CMTM6: variants seen among roughly 807,000 people sequenced by gnomAD.
The protein encoded by CMTM6 is CKLF like MARVEL transmembrane domain containing 6, also known as CKLF-like MARVEL transmembrane domain-containing protein 6.
A neutral mutation model predicts 13.6 loss-of-function variants in CMTM6; 5 were observed. The observed-to-expected ratio is 0.37, with a 90% confidence interval of 0.19 to 0.77. The LOEUF is 0.77. Among genes scored for constraint, CMTM6 ranks in the 30% least tolerant of loss-of-function variants. CMTM6 has a pLI of 0.50. For missense variants in CMTM6, 196 were observed against 218.6 expected (o/e 0.90, Z 0.65); for synonymous variants, 99 against 84.5 (o/e 1.17, Z -0.94).
intron 1 of CMTM6, 80 bp downstream of exon 1, chr3:32,502,528 G>C: frequency 6.6e-7 from 1 of 1,512,566 alleles, no homozygotes; most frequent in Non-Finnish European, 8.9e-7. Context: ...AAGCTGAAAC[G>C]AAGGAGCTCG....
intron 1 of CMTM6, among the ~76,000 whole-genome samples, chr3:32,496,863 G>A (rs948827931): frequency 2.6e-5 from 4 of 152,062 alleles, no homozygotes; most frequent in African/African-American, 9.7e-5. Context: ...GGATGGGGAT[G>A]AAGAAAAAAA....
At chr3:32,487,743 A>G (rs766539860) in intron 3 of CMTM6, 195 bp downstream of exon 3, 15 of 422,438 alleles carry the variant, frequency 3.6e-5, no homozygotes, top group South Asian at 6.7e-5. Context: ...AACAAAATTC[A>G]GTCAAATTCT....
chr3:32,485,228 T>TAA (rs563553514), intron 3 of CMTM6, among the ~76,000 whole-genome samples: 11 of 141,822 alleles, frequency 7.8e-5, no homozygotes, highest in Non-Finnish European at 1.7e-4. Flanking sequence ...ACTTCTGAAT[T>TAA]AAAAAAAAAA....
chr3:32,496,506 C>T (rs1024616438), intron 1 of CMTM6, among the ~76,000 whole-genome samples: 5 of 152,180 alleles, frequency 3.3e-5, no homozygotes, highest in Admixed American at 2.6e-4. Context: ...CAATTGCTAG[C>T]TCAAAGTGTA....
intron 1 of CMTM6, among the ~76,000 whole-genome samples, chr3:32,497,032 G>C (rs1174778486): frequency 1.3e-5 from 2 of 152,108 alleles, no homozygotes; most frequent in East Asian, 3.9e-4. Flanking sequence ...TCCGAGTGTA[G>C]GAGGGAAAAG....
chr3:32,488,303 G>A, intron 2 of CMTM6: 1 of 213,822 alleles, frequency 4.7e-6, no homozygotes, highest in Non-Finnish European at 9.2e-6. Flanking sequence ...TATGCCAGGA[G>A]AGGTGGCATG....
chr3:32,502,833 G>T lies in CMTM6; in HGVS notation c.-88C>A. 7.4e-7 allele frequency: 1 copy of T among 1,345,642 alleles called. No individual in the cohort carries two copies. The highest frequency in any genetic ancestry group is 9.6e-7 in the Non-Finnish European group (1 of 1,045,820). The allele number at this position is 1,345,642 out of a possible 1,614,324, so 83.4% of individuals were successfully genotyped here. A position where few individuals can be genotyped will look rare whatever the true frequency, so the allele number is the denominator to read the frequency against. ...AGTCCCCGGTAGCCGGGAGGCGGCC[G>T]TCACTTCCTGGGCCTTCTCCCCGGC... On this transcript the variant is annotated 5_prime_UTR_variant, in exon 1 of 4. Transcript: ENST00000205636.
chr3:32,482,048 G>A lies in CMTM6; in HGVS notation c.*1912C>T, dbSNP rs191836975. ...CTAAATCACAATGGTACAGTCTGAT[G>A]TGAAACTTTAGTCTACCTACCATAA... On this transcript the variant is annotated 3_prime_UTR_variant, in exon 4 of 4. Coordinates refer to ENST00000205636, the MANE Select transcript of CMTM6 (RefSeq NM_017801.3). 3.9e-5 allele frequency: 6 copies of A among 152,274 alleles called. No homozygotes were observed. The highest frequency in any genetic ancestry group is 2.6e-4 in the Admixed American group (4 of 15,294). 9.4% of individuals were successfully genotyped at this position (152,274 alleles called of 1,614,324 possible).
chr3:32,502,608 C>T lies in CMTM6; in HGVS notation c.138G>A (p.Leu46=), dbSNP rs1240453061. The change falls in exon 1 of 4, where the codon CTG becomes CTA. Residue 46 remains leucine, a splice_region_variant and synonymous_variant. Coordinates refer to ENST00000205636, the MANE Select transcript of CMTM6 (RefSeq NM_017801.3). ...LLRRVLKGLQ[L]LLSLLAFICE... ...TCGCCCTCCCTGACCGCGGACTCAC[C>T]AGCTGCAAGCCCTTGAGAACGCGCC... The T allele has an allele frequency of 1.9e-6, 3 of 1,595,928 alleles. No individual in the cohort carries two copies. Among genetic ancestry groups the T allele is most frequent in the Non-Finnish European group, 2.6e-6 (3 of 1,173,436 alleles).
At chr3:32,485,219 C>T (rs1697192380) in intron 3 of CMTM6, among the ~76,000 whole-genome samples, 2 of 149,844 alleles carry the variant, frequency 1.3e-5, no homozygotes, top group Non-Finnish European at 3.0e-5. Context: ...TGTTCACACA[C>T]TTCTGAATTA....
chr3:32,494,889 A>G (rs766906417), intron 1 of CMTM6, among the ~76,000 whole-genome samples: 2 of 152,184 alleles, frequency 1.3e-5, no homozygotes, highest in Non-Finnish European at 2.9e-5. Flanking sequence ...AGCACAGGGA[A>G]GCCTCTGCTG....
intron 3 of CMTM6, among the ~76,000 whole-genome samples, chr3:32,485,036 A>G (rs1372415953): frequency 7.7e-6 from 1 of 129,590 alleles, no homozygotes; most frequent in Non-Finnish European, 1.6e-5. Flanking sequence ...CCACCCTCCC[A>G]TCCCCCGCCA....
chr3:32,491,375 C>A (rs1697248580), intron 2 of CMTM6, among the ~76,000 whole-genome samples: 1 of 152,186 alleles, frequency 6.6e-6, no homozygotes. Flanking sequence ...TAAAGGCACA[C>A]AATTAATAAT....
In CMTM6 at chr3:32,481,565, A is replaced by C. The variant is rs1402713945; in HGVS notation, c.*2395T>G. The stretch of plus-strand genomic sequence containing the variant: ...TTGTATAAAATATAAAATTTATCAT[A>C]ACTGTTAATTTAAAAATTATTTTAA... On this transcript the variant is annotated 3_prime_UTR_variant, in exon 4 of 4. Transcript: ENST00000205636. 1 of 152,156 alleles carries C rather than the reference A, an allele frequency of 6.6e-6. No homozygotes were observed. Among genetic ancestry groups the C allele is most frequent in the Non-Finnish European group, 1.5e-5 (1 of 68,034 alleles). The allele number at this position is 152,156 out of a possible 1,614,324, so 9.4% of individuals were successfully genotyped here.
chr3:32,493,585 G>C (rs1197728013), intron 1 of CMTM6, among the ~76,000 whole-genome samples: 3 of 152,128 alleles, frequency 2.0e-5, no homozygotes, highest in African/African-American at 7.2e-5. Flanking sequence ...AGATGTGGGA[G>C]CTGGCAGAGT....
At chr3:32,486,488 G>A (rs1575136810) in intron 3 of CMTM6, among the ~76,000 whole-genome samples, 1 of 152,062 alleles carries the variant, frequency 6.6e-6, no homozygotes, top group Admixed American at 6.5e-5. Flanking sequence ...AGATTACAGG[G>A]TACTGTCGCA....
At chr3:32,498,670 C>G (rs938687502) in intron 1 of CMTM6, among the ~76,000 whole-genome samples, 25 of 145,630 alleles carry the variant, frequency 1.7e-4, no homozygotes, top group Admixed American at 4.3e-4. Flanking sequence ...ACGATCTTGG[C>G]TCACTGCAAT....
In CMTM6 at chr3:32,482,880, T is replaced by C. The variant is rs1319428442; in HGVS notation, c.*1080A>G. ...AGTGTCAGAGCCAGAGGCCAACCTC[T>C]GCTAGATGAAGCAGCAGCACATGAC... On this transcript the variant is annotated 3_prime_UTR_variant, in exon 4 of 4. Coordinates refer to ENST00000205636, the MANE Select transcript of CMTM6 (RefSeq NM_017801.3). 1.3e-5 allele frequency: 2 copies of C among 152,126 alleles called. No individual in the cohort carries two copies. The highest frequency in any genetic ancestry group is 2.1e-4 in the South Asian group (1 of 4,830). 9.4% of individuals were successfully genotyped at this position (152,126 alleles called of 1,614,324 possible).
In CMTM6 at chr3:32,484,045, A is replaced by C. The variant is rs1188830786; in HGVS notation, c.467T>G (p.Leu156Arg). 6.2e-7 allele frequency: 1 copy of C among 1,611,384 alleles called. No individual in the cohort carries two copies. The highest frequency in any genetic ancestry group is 1.7e-5 in the Admixed American group (1 of 59,116). The change falls in exon 4 of 4, where the codon CTG (leucine) becomes CGG (arginine). Residue 156 changes from leucine (L) to arginine (R), a missense_variant. By Grantham distance (102) the Leu-to-Arg change is moderately radical (BLOSUM62 -2). This residue lies in a region of CMTM6 where 111 missense variants were observed against 160.0 expected (regional missense o/e 0.69). Transcript: ENST00000205636. ...FMFLLDFITM[L>R]YEKRQESQLR... ...CTGGGACTCCTGTCGTTTTTCATAC[A>C]GCATAGTGATAAAGTCAAGTAGGAA...
Sources: gnomAD v4.1 joint callset for allele counts (sites outside exome capture counted in the v4.1 genomes callset) on GRCh38, gnomAD v4.1.1 for gene constraint, gnomAD v4.1.1 regional missense constraint, MANE v1.5 for transcripts, NCBI Gene and HGNC (gene_info 2026-07-23, HGNC 2026-07-21) for gene names.